CCDC171: variants seen among roughly 807,000 people sequenced by gnomAD.
CCDC171 encodes the protein coiled-coil domain-containing protein 171.
A neutral mutation model predicts 168.2 loss-of-function variants in CCDC171; 177 were observed. The ratio of observed to expected loss-of-function variants is 1.05; its 90% CI spans 0.93 to 1.19. The LOEUF (loss-of-function observed/expected upper bound fraction) is 1.19, where lower values mean the gene tolerates loss of function less well. Among genes scored for constraint, CCDC171 ranks in the 50% most tolerant of loss-of-function variants. CCDC171 has a pLI of 0.00. For missense variants in CCDC171, 1,991 were observed against 1,539.0 expected (o/e 1.29, Z -4.91); for synonymous variants, 687 against 540.8 (o/e 1.27, Z -3.75).
chr9:15,922,200 G>A, intron 25 of CCDC171: 1 of 385,864 alleles, frequency 2.6e-6, no homozygotes, highest in South Asian at 2.0e-5. Flanking sequence ...AGGTGATTCT[G>A]ATGTATCCTT....
intron 6 of CCDC171, among the ~76,000 whole-genome samples, chr9:15,602,041 A>G (rs2131663243): frequency 6.6e-6 from 1 of 152,312 alleles, no homozygotes; most frequent in Admixed American, 6.5e-5. Flanking sequence ...AAAATGTGGG[A>G]ATATGCTCCC....
intron 7 of CCDC171, among the ~76,000 whole-genome samples, chr9:15,653,723 T>C (rs999135023): frequency 2.6e-5 from 4 of 152,162 alleles, no homozygotes; most frequent in African/African-American, 9.7e-5. Flanking sequence ...CCCTGAACAC[T>C]TTAGTATGTA....
chr9:15,844,396 T>A (rs1266029877), intron 21 of CCDC171, among the ~76,000 whole-genome samples: 5 of 152,062 alleles, frequency 3.3e-5, no homozygotes, highest in Non-Finnish European at 5.9e-5. Context: ...TCTGTTTTTG[T>A]TATTTAAAAA....
At chr9:15,985,778 C>T (rs1021028026) in intron 3 of CCDC171, among the ~76,000 whole-genome samples, 4 of 152,102 alleles carry the variant, frequency 2.6e-5, no homozygotes, top group Non-Finnish European at 1.5e-5. Context: ...TAATTCAGTA[C>T]TTATTTAAAA....
At chr9:15,650,131 G>T (rs200613303) in intron 7 of CCDC171, among the ~76,000 whole-genome samples, 15 of 152,212 alleles carry the variant, frequency 9.9e-5, no homozygotes, top group South Asian at 8.3e-4. Flanking sequence ...CCATCATTCT[G>T]AGCAAACTAT....
intron 20 of CCDC171, among the ~76,000 whole-genome samples, chr9:15,783,166 A>G (rs542221454): frequency 2.0e-5 from 3 of 152,344 alleles, no homozygotes; most frequent in Admixed American, 6.5e-5. Context: ...GTGCTTATGT[A>G]TTATGATATA....
At chr9:15,900,732 A>G (rs1821517777) in intron 24 of CCDC171, among the ~76,000 whole-genome samples, 1 of 152,226 alleles carries the variant, frequency 6.6e-6, no homozygotes, top group Non-Finnish European at 1.5e-5. Context: ...GGAAAGAAGT[A>G]GGACATACAT....
intron 18 of CCDC171, among the ~76,000 whole-genome samples, chr9:15,747,450 G>A (rs12343107): frequency 6.6e-6 from 1 of 152,174 alleles, no homozygotes; most frequent in African/African-American, 2.4e-5. Context: ...CGTGTAGCCT[G>A]ACTGGGAGAC....
chr9:16,044,538 T>TA (rs1211905661), intron 1 of CCDC171, among the ~76,000 whole-genome samples: 5 of 151,888 alleles, frequency 3.3e-5, no homozygotes, highest in Non-Finnish European at 7.4e-5. Flanking sequence ...AATAATTTTT[T>TA]TTTTTTTTTG....
chr9:15,688,051 G>A (rs1448887391), intron 10 of CCDC171, among the ~76,000 whole-genome samples: 2 of 151,066 alleles, frequency 1.3e-5, no homozygotes, highest in African/African-American at 4.9e-5. Context: ...CCTGGGAGGC[G>A]GAGGTTGTGG....
chr9:15,673,347 T>C (rs2049267799), intron 9 of CCDC171, among the ~76,000 whole-genome samples: 1 of 152,250 alleles, frequency 6.6e-6, no homozygotes, highest in South Asian at 2.1e-4. Context: ...CTTTATTTCT[T>C]TCTCTTGCGT....
chr9:16,097,823 G>A, the CCDC171 span, among the ~76,000 whole-genome samples: 2,351 of 152,292 alleles, frequency 0.015, 61 homozygotes, highest in African/African-American at 0.054. Flanking sequence ...TCCAGACACA[G>A]CATCATTGAA....
chr9:15,684,049 G>T (rs967813488), intron 10 of CCDC171, among the ~76,000 whole-genome samples: 1 of 151,982 alleles, frequency 6.6e-6, no homozygotes, highest in Non-Finnish European at 1.5e-5. Context: ...TGCTGATGGT[G>T]ATGATAACAA....
At chr9:15,757,043 AC>A (rs1024698122) in intron 18 of CCDC171, among the ~76,000 whole-genome samples, 1 of 152,188 alleles carries the variant, frequency 6.6e-6, no homozygotes, top group African/African-American at 2.4e-5. Context: ...ACTAACTAAT[AC>A]AGTAAATTGG....
At chr9:16,086,876 A>G in the CCDC171 span, among the ~76,000 whole-genome samples, 3 of 152,224 alleles carry the variant, frequency 2.0e-5, no homozygotes, top group African/African-American at 7.2e-5. Flanking sequence ...TTAGTGCTAT[A>G]AATTTCCCTC....
chr9:15,558,788 T>A (rs1469542953), intron 1 of CCDC171, among the ~76,000 whole-genome samples: 8 of 152,156 alleles, frequency 5.3e-5, no homozygotes, highest in Non-Finnish European at 1.2e-4. Context: ...TTGAATGTGT[T>A]TGCTGTTGCT....
intron 3 of CCDC171, among the ~76,000 whole-genome samples, chr9:15,986,397 A>C (rs1177358814): frequency 6.6e-6 from 1 of 152,188 alleles, no homozygotes; most frequent in African/African-American, 2.4e-5. Context: ...CTTGCTGCAG[A>C]GGGATGCCAT....
chr9:16,027,699 A>G (rs1192419994), intron 6 of CCDC171, among the ~76,000 whole-genome samples: 1 of 152,160 alleles, frequency 6.6e-6, no homozygotes, highest in East Asian at 1.9e-4. Context: ...CATTGTTTGC[A>G]TTAAAGGGCT....
chr9:15,558,213 C>G (rs2038976036), intron 1 of CCDC171, among the ~76,000 whole-genome samples: 2 of 152,034 alleles, frequency 1.3e-5, no homozygotes, highest in Admixed American at 6.6e-5. Context: ...TTTGTTGTGT[C>G]TCTGCCAGGC....
Sources: allele counts gnomAD v4.1 joint callset (sites outside exome capture counted in the v4.1 genomes callset), GRCh38; gene constraint gnomAD v4.1.1; transcripts MANE v1.5; gene names NCBI Gene and HGNC (gene_info 2026-07-23, HGNC 2026-07-21).